The following MMP16 variants were observed in gnomAD, a reference collection of about 807,000 sequenced individuals.
The protein encoded by MMP16 is matrix metalloproteinase-16.
A neutral mutation model predicts 67.8 loss-of-function variants in MMP16; 12 were observed. The ratio of observed to expected loss-of-function variants is 0.18; its 90% CI spans 0.11 to 0.29. The LOEUF is 0.29. MMP16 is among the 10% of genes least tolerant of loss of function. MMP16 has a pLI of 1.00. For synonymous variants in MMP16, 249 were observed against 255.9 expected (o/e 0.97, Z 0.26); for missense variants, 475 against 765.7 (o/e 0.62, Z 4.48).
intron 1 of MMP16, among the ~76,000 whole-genome samples, chr8:88,219,088 ATGATGAC>A (rs1263303048): frequency 6.6e-6 from 1 of 152,010 alleles, no homozygotes; most frequent in Non-Finnish European, 1.5e-5. Context: ...ATAAATACAT[ATGATGAC>A]TGAAAAAGGT....
chr8:88,320,429 GTA>G (rs1811441021), intron 1 of MMP16, among the ~76,000 whole-genome samples: 1 of 152,088 alleles, frequency 6.6e-6, no homozygotes, highest in African/African-American at 2.4e-5. Flanking sequence ...TCACTACAAT[GTA>G]TAGTTTTTGA....
At chr8:88,044,749 G>C (rs969680406) in intron 9 of MMP16, among the ~76,000 whole-genome samples, 3 of 152,150 alleles carry the variant, frequency 2.0e-5, no homozygotes, top group Non-Finnish European at 4.4e-5. Flanking sequence ...TAGCTTAGTA[G>C]ATGTTCCCTG....
At chr8:88,093,639 T>C (rs1340387479) in intron 6 of MMP16, among the ~76,000 whole-genome samples, 1 of 151,824 alleles carries the variant, frequency 6.6e-6, no homozygotes, top group Non-Finnish European at 1.5e-5. Flanking sequence ...TCTTTATAAA[T>C]AAAATTTTAA....
intron 1 of MMP16, among the ~76,000 whole-genome samples, chr8:88,198,429 C>G (rs973062491): frequency 6.6e-6 from 1 of 152,132 alleles, no homozygotes; most frequent in African/African-American, 2.4e-5. Context: ...TGTTACCCTT[C>G]CTACCTCAGT....
intron 6 of MMP16, among the ~76,000 whole-genome samples, chr8:88,103,876 AG>A (rs1451663618): frequency 1.3e-5 from 2 of 151,826 alleles, no homozygotes; most frequent in Non-Finnish European, 2.9e-5. Flanking sequence ...GATTTACATA[AG>A]GCTATTTCCA....
intron 1 of MMP16, among the ~76,000 whole-genome samples, chr8:88,313,945 C>T (rs758681333): frequency 3.3e-5 from 5 of 152,090 alleles, no homozygotes; most frequent in Non-Finnish European, 5.9e-5. Context: ...AGGAAAGACC[C>T]GTCCCCATGA....
At chr8:88,060,776 G>A (rs1247896670) in intron 7 of MMP16, among the ~76,000 whole-genome samples, 2 of 152,018 alleles carry the variant, frequency 1.3e-5, no homozygotes, top group Non-Finnish European at 2.9e-5. Flanking sequence ...CATTATTTTC[G>A]TGTAGCACCT....
chr8:88,260,910 G>T (rs536299250), intron 1 of MMP16, among the ~76,000 whole-genome samples: 4 of 152,204 alleles, frequency 2.6e-5, no homozygotes, highest in African/African-American at 9.6e-5. Context: ...AAGCATTACT[G>T]TTTTAAGTTA....
chr8:88,246,317 G>A (rs771516966), intron 1 of MMP16, among the ~76,000 whole-genome samples: 70 of 152,200 alleles, frequency 4.6e-4, no homozygotes, highest in Non-Finnish European at 9.4e-4. Context: ...TTAAATACAC[G>A]AAATAATTTG....
chr8:88,256,857 T>G (rs1454827017), intron 1 of MMP16, among the ~76,000 whole-genome samples: 1 of 152,144 alleles, frequency 6.6e-6, no homozygotes, highest in Admixed American at 6.5e-5. Flanking sequence ...TAGCCAAATG[T>G]TATTTTATTT....
chr8:88,321,573 C>T (rs757438963), intron 1 of MMP16, among the ~76,000 whole-genome samples: 20 of 152,132 alleles, frequency 1.3e-4, no homozygotes, highest in Non-Finnish European at 2.4e-4. Context: ...TTTGGAACTA[C>T]AGATGATAAC....
intron 1 of MMP16, among the ~76,000 whole-genome samples, chr8:88,306,590 T>G (rs1811214960): frequency 6.6e-6 from 1 of 152,138 alleles, no homozygotes; most frequent in Non-Finnish European, 1.5e-5. Flanking sequence ...TACAATCAAG[T>G]TGGCTTCATC....
intron 3 of MMP16, among the ~76,000 whole-genome samples, chr8:88,177,912 T>C (rs1219858245): frequency 6.6e-6 from 1 of 151,878 alleles, no homozygotes; most frequent in Admixed American, 6.6e-5. Flanking sequence ...ATATATGAGA[T>C]AGTTTAAAGA....
intron 1 of MMP16, among the ~76,000 whole-genome samples, chr8:88,312,768 A>C (rs71526931): frequency 0.12 from 18,590 of 152,158 alleles, 1,242 homozygotes; most frequent in Non-Finnish European, 0.14. Context: ...CAGGAGTTAG[A>C]GACCAGCCTG....
intron 4 of MMP16, among the ~76,000 whole-genome samples, chr8:88,126,739 C>G (rs1050587174): frequency 1.3e-5 from 2 of 151,802 alleles, no homozygotes; most frequent in Non-Finnish European, 2.9e-5. Flanking sequence ...AAAGTCCTGA[C>G]TCAACTACTG....
intron 4 of MMP16, among the ~76,000 whole-genome samples, chr8:88,159,919 T>C (rs1052357915): frequency 4.6e-5 from 7 of 152,148 alleles, no homozygotes; most frequent in Admixed American, 1.3e-4. Context: ...GTTCTGTTTA[T>C]ATGCTGGATT....
At chr8:88,048,662 A>G (rs1190881573) in intron 8 of MMP16, among the ~76,000 whole-genome samples, 1 of 152,204 alleles carries the variant, frequency 6.6e-6, no homozygotes, top group Non-Finnish European at 1.5e-5. Flanking sequence ...ATTTCACCAT[A>G]AAGGCAGTTT....
At chr8:88,237,581 G>A (rs1365706977) in intron 1 of MMP16, among the ~76,000 whole-genome samples, 1 of 151,796 alleles carries the variant, frequency 6.6e-6, no homozygotes, top group Non-Finnish European at 1.5e-5. Flanking sequence ...CCCGGGAGGC[G>A]GAGCTGGCGG....
intron 7 of MMP16, among the ~76,000 whole-genome samples, chr8:88,068,112 G>A (rs1351957996): frequency 2.0e-5 from 3 of 152,088 alleles, no homozygotes; most frequent in Non-Finnish European, 4.4e-5. Context: ...ATTCTATCAG[G>A]TGTGTAGTGG....
Sources: gnomAD v4.1 joint callset for allele counts (sites outside exome capture counted in the v4.1 genomes callset) on GRCh38, gnomAD v4.1.1 for gene constraint, MANE v1.5 for transcripts, NCBI Gene and HGNC (gene_info 2026-07-23, HGNC 2026-07-21) for gene names.